The following PIK3AP1 variants were observed in gnomAD, a reference collection of about 807,000 sequenced individuals.
The protein encoded by PIK3AP1 is phosphoinositide-3-kinase adaptor protein 1.
A neutral mutation model predicts 88.1 loss-of-function variants in PIK3AP1; 21 were observed. That is an observed-to-expected ratio of 0.24 (90% CI 0.17 to 0.34). The LOEUF is 0.34. Among genes scored for constraint, PIK3AP1 ranks in the 10% least tolerant of loss-of-function variants. PIK3AP1 has a pLI of 1.00. For missense variants in PIK3AP1, 828 were observed against 1,035.7 expected, an observed-to-expected ratio of 0.80 and a Z score of 2.75; for synonymous variants, 398 against 400.0, an observed-to-expected ratio of 1.00 and a Z score of 0.06.
chr10:96,652,979 A>C, intron 3 of PIK3AP1, 137 bp from the exon 4 acceptor site: 5 of 919,992 alleles, frequency 5.4e-6, no homozygotes, highest in Non-Finnish European at 6.5e-6. Flanking sequence ...TCAGTGGTCC[A>C]GTGCTGGGCA....
At chr10:96,631,708 AC>A (rs1232492406) in intron 8 of PIK3AP1, among the ~76,000 whole-genome samples, 2 of 152,038 alleles carry the variant, frequency 1.3e-5, no homozygotes, top group Admixed American at 6.6e-5. Context: ...TCATGGCAAA[AC>A]CCCATCTCTA....
At position 96,595,391 on chromosome 10, in the gene PIK3AP1, C is replaced by T; in HGVS notation, c.*186G>A. 1.6e-6 allele frequency: 1 copy of T among 615,284 alleles called. No individual in the cohort carries two copies. Among genetic ancestry groups the T allele is most frequent in the Non-Finnish European group, 2.9e-6 (1 of 348,094 alleles). The allele number at this position is 615,284 out of a possible 1,614,324, so 38.1% of individuals were successfully genotyped here. A position where few individuals can be genotyped will look rare whatever the true frequency, so the allele number is the denominator to read the frequency against. On this transcript the variant is annotated 3_prime_UTR_variant, in exon 17 of 17. Transcript: ENST00000339364. The stretch of plus-strand genomic sequence containing the variant: ...ATGGTGAATGAAGCCCTTAGTTTTT[C>T]ACTTCTTCGTGCCTTAATAAAATCT...
intron 8 of PIK3AP1, chr10:96,633,054 C>G (rs759260284): frequency 8.8e-6 from 14 of 1,599,546 alleles, no homozygotes; most frequent in Non-Finnish European, 1.2e-5. Context: ...TGGTGAAAAA[C>G]CTCATGTCCT....
chr10:96,708,280 GA>G (rs1360331964), intron 2 of PIK3AP1, among the ~76,000 whole-genome samples: 1 of 151,914 alleles, frequency 6.6e-6, no homozygotes, highest in African/African-American at 2.4e-5. Context: ...GGCAAAAATA[GA>G]AAACAAAAAG....
chr10:96,705,187 A>G (rs546588291), intron 2 of PIK3AP1, among the ~76,000 whole-genome samples: 1 of 152,322 alleles, frequency 6.6e-6, no homozygotes, highest in African/African-American at 2.4e-5. Context: ...TAGGAACATG[A>G]CCAGTATTTC....
intron 14 of PIK3AP1, among the ~76,000 whole-genome samples, chr10:96,607,629 G>C (rs1445887093): frequency 6.6e-6 from 1 of 152,184 alleles, no homozygotes; most frequent in Non-Finnish European, 1.5e-5. Context: ...AAGCTTGACA[G>C]GCACTAGCAA....
chr10:96,610,003 G>A, intron 13 of PIK3AP1, 136 bp from the exon 14 acceptor site: 1 of 1,063,980 alleles, frequency 9.4e-7, no homozygotes, highest in African/African-American at 1.6e-5. Flanking sequence ...AAAGACGATG[G>A]GAGAGGGAGG....
chr10:96,629,927 A>AAAAAAAAAAAAAAAG (rs1564961851), intron 8 of PIK3AP1, among the ~76,000 whole-genome samples: 1 of 14,644 alleles, frequency 6.8e-5, no homozygotes, highest in Non-Finnish European at 1.8e-4. Context: ...AAAAAAAAAA[A>AAAAAAAAAAAAAAAG]AAAAAGAAGA....
At chr10:96,643,261 T>A (rs1843415912) in intron 8 of PIK3AP1, among the ~76,000 whole-genome samples, 2 of 152,190 alleles carry the variant, frequency 1.3e-5, no homozygotes, top group Non-Finnish European at 2.9e-5. Flanking sequence ...ACGACTAAAA[T>A]GCATGGTGTT....
intron 16 of PIK3AP1, among the ~76,000 whole-genome samples, chr10:96,596,490 A>G (rs1027367748): frequency 2.0e-5 from 3 of 152,182 alleles, no homozygotes; most frequent in African/African-American, 7.2e-5. Flanking sequence ...ACATAATAAT[A>G]AAACCTAGGT....
At chr10:96,707,530 T>C (rs1844380208) in intron 2 of PIK3AP1, among the ~76,000 whole-genome samples, 1 of 152,126 alleles carries the variant, frequency 6.6e-6, no homozygotes, top group South Asian at 2.1e-4. Context: ...CCTGACCTCA[T>C]GATCCGCCCG....
intron 2 of PIK3AP1, among the ~76,000 whole-genome samples, chr10:96,681,386 C>T (rs1430848588): frequency 6.6e-6 from 1 of 152,220 alleles, no homozygotes; most frequent in Non-Finnish European, 1.5e-5. Context: ...AATGTGATGT[C>T]TGACTTCTGT....
intron 3 of PIK3AP1, among the ~76,000 whole-genome samples, chr10:96,655,513 T>C (rs1843603139): frequency 1.3e-5 from 2 of 152,098 alleles, no homozygotes; most frequent in Middle Eastern, 3.4e-3. Flanking sequence ...TCTCAAAAAA[T>C]AAATAAATAA....
chr10:96,611,138 G>A (rs961119100), intron 13 of PIK3AP1, among the ~76,000 whole-genome samples: 1 of 152,200 alleles, frequency 6.6e-6, no homozygotes, highest in Non-Finnish European at 1.5e-5. Flanking sequence ...GGCACACCAA[G>A]TCCCCCAGAA....
At chr10:96,626,490 C>T (rs570687343) in intron 10 of PIK3AP1, among the ~76,000 whole-genome samples, 3 of 152,298 alleles carry the variant, frequency 2.0e-5, no homozygotes, top group East Asian at 1.9e-4. Flanking sequence ...TGCAACTGTG[C>T]GTAAATACTT....
chr10:96,698,167 G>T (rs963527141), intron 2 of PIK3AP1, among the ~76,000 whole-genome samples: 1 of 152,228 alleles, frequency 6.6e-6, no homozygotes, highest in Non-Finnish European at 1.5e-5. Context: ...CGTTTCATTA[G>T]TTCTGATGGT....
intron 2 of PIK3AP1, among the ~76,000 whole-genome samples, chr10:96,683,525 C>A (rs1376439852): frequency 6.6e-6 from 1 of 152,074 alleles, no homozygotes; most frequent in Non-Finnish European, 1.5e-5. Flanking sequence ...TTAATGAAGC[C>A]CACCCATCTC....
chr10:96,613,032 A>G (rs1464465521), intron 13 of PIK3AP1, among the ~76,000 whole-genome samples: 1 of 115,388 alleles, frequency 8.7e-6, no homozygotes, highest in Non-Finnish European at 1.6e-5. Flanking sequence ...AGAGTCTCGC[A>G]CTGTCGCCCA....
At chr10:96,634,505 G>T (rs1843287836) in intron 8 of PIK3AP1, among the ~76,000 whole-genome samples, 1 of 152,188 alleles carries the variant, frequency 6.6e-6, no homozygotes, top group Admixed American at 6.5e-5. Flanking sequence ...CCCTGGCTCT[G>T]ACTCTTACTA....
Sources: gnomAD v4.1 joint callset for allele counts (sites outside exome capture counted in the v4.1 genomes callset) on GRCh38, gnomAD v4.1.1 for gene constraint, MANE v1.5 for transcripts, NCBI Gene and HGNC (gene_info 2026-07-23, HGNC 2026-07-21) for gene names.